MNAT1: variants seen among roughly 807,000 people sequenced by gnomAD.
MNAT1 encodes the protein CDK-activating kinase assembly factor MAT1.
MNAT1 carries 43 observed loss-of-function variants against 42.0 expected under a neutral mutation model. The observed-to-expected ratio is 1.02, with a 90% CI of 0.80 to 1.32. The LOEUF (loss-of-function observed/expected upper bound fraction) is 1.32. Ranked by LOEUF, MNAT1 falls within the 40% of genes most tolerant of loss-of-function variation. The pLI is 0.00. For missense variants in MNAT1, 306 were observed against 350.4 expected (o/e 0.87, Z 1.01); for synonymous variants, 118 against 120.0 (o/e 0.98, Z 0.11).
At chr14:60,738,888 A>T (rs888432974) in intron 1 of MNAT1, among the ~76,000 whole-genome samples, 3 of 152,192 alleles carry the variant, frequency 2.0e-5, no homozygotes, top group Non-Finnish European at 4.4e-5. Flanking sequence ...TTTTTATGGC[A>T]TATATTTCAT....
At chr14:60,867,253 A>T (rs533807064) in intron 6 of MNAT1, among the ~76,000 whole-genome samples, 12 of 152,250 alleles carry the variant, frequency 7.9e-5, no homozygotes, top group African/African-American at 2.4e-4. Context: ...AAGAGCTAGA[A>T]AAATATGGTG....
At chr14:60,863,043 T>C (rs528238723) in intron 6 of MNAT1, among the ~76,000 whole-genome samples, 15 of 152,126 alleles carry the variant, frequency 9.9e-5, no homozygotes, top group African/African-American at 3.6e-4. Flanking sequence ...GAGTTTGTGA[T>C]CGAAAGATTC....
chr14:60,841,440 A>G (rs2139401715), intron 6 of MNAT1, among the ~76,000 whole-genome samples: 1 of 151,926 alleles, frequency 6.6e-6, no homozygotes, highest in East Asian at 1.9e-4. Flanking sequence ...AACACATACA[A>G]CACATAAAGT....
intron 6 of MNAT1, among the ~76,000 whole-genome samples, chr14:60,866,079 A>G (rs1032473564): frequency 6.6e-6 from 1 of 152,128 alleles, no homozygotes; most frequent in Non-Finnish European, 1.5e-5. Flanking sequence ...GAATTCAACT[A>G]AAGTTGAAAA....
intron 7 of MNAT1, among the ~76,000 whole-genome samples, chr14:60,882,148 C>T (rs2034564461): frequency 6.6e-6 from 1 of 152,022 alleles, no homozygotes; most frequent in Non-Finnish European, 1.5e-5. Context: ...GTGACAAAAA[C>T]AAAAACAAAC....
At chr14:60,929,168 A>ATAT (rs57837834) in intron 7 of MNAT1, among the ~76,000 whole-genome samples, 31 of 86,120 alleles carry the variant, frequency 3.6e-4, no homozygotes, top group African/African-American at 1.6e-3. Flanking sequence ...AAAAAAAAAA[A>ATAT]AAATATATAT....
intron 1 of MNAT1, among the ~76,000 whole-genome samples, chr14:60,738,138 C>G (rs1896361862): frequency 6.7e-6 from 1 of 150,306 alleles, no homozygotes; most frequent in Non-Finnish European, 1.5e-5. Context: ...ATGGAGATTC[C>G]TATTGCCACA....
intron 7 of MNAT1, among the ~76,000 whole-genome samples, chr14:60,958,119 G>C (rs1391378408): frequency 6.6e-6 from 1 of 152,152 alleles, no homozygotes; most frequent in Non-Finnish European, 1.5e-5. Context: ...TTACAGGCTT[G>C]AGCCACCGTG....
intron 1 of MNAT1, among the ~76,000 whole-genome samples, chr14:60,742,973 G>T (rs1043243492): frequency 6.6e-6 from 1 of 152,116 alleles, no homozygotes. Context: ...ACAAGTTTTC[G>T]TATGGACAAA....
At chr14:60,827,961 A>G (rs950701329) in intron 6 of MNAT1, among the ~76,000 whole-genome samples, 11 of 152,158 alleles carry the variant, frequency 7.2e-5, no homozygotes, top group Admixed American at 3.9e-4. Flanking sequence ...GGTTAATTCC[A>G]TTCTATTTTA....
intron 1 of MNAT1, among the ~76,000 whole-genome samples, chr14:60,793,670 G>C (rs2031902920): frequency 6.6e-6 from 1 of 151,862 alleles, no homozygotes; most frequent in African/African-American, 2.4e-5. Context: ...ACTAGGCCTG[G>C]CCTGTTCTTT....
At chr14:60,860,054 A>G (rs2034058010) in intron 6 of MNAT1, among the ~76,000 whole-genome samples, 1 of 152,190 alleles carries the variant, frequency 6.6e-6, no homozygotes, top group African/African-American at 2.4e-5. Flanking sequence ...TATGATAATT[A>G]ATGTGTTTTG....
At chr14:60,869,722 T>G (rs2034287533) in intron 6 of MNAT1, among the ~76,000 whole-genome samples, 1 of 152,206 alleles carries the variant, frequency 6.6e-6, no homozygotes, top group Non-Finnish European at 1.5e-5. Flanking sequence ...GGTATAGAAC[T>G]GGATTTTCAT....
intron 1 of MNAT1, among the ~76,000 whole-genome samples, chr14:60,745,965 C>G (rs535496766): frequency 6.6e-6 from 1 of 152,160 alleles, no homozygotes; most frequent in East Asian, 1.9e-4. Context: ...GTGAAGATCT[C>G]AAGATTCTTC....
At chr14:60,930,205 CTTTATT>C (rs1566563587) in intron 7 of MNAT1, among the ~76,000 whole-genome samples, 1 of 76,892 alleles carries the variant, frequency 1.3e-5, no homozygotes, top group African/African-American at 4.5e-5. Flanking sequence ...CTTCTTCCGT[CTTTATT>C]ATTATTATTA....
chr14:60,869,040 A>ATATATATTT (rs1465360826), intron 6 of MNAT1, among the ~76,000 whole-genome samples: 64 of 113,020 alleles, frequency 5.7e-4, no homozygotes, highest in African/African-American at 2.0e-3. Context: ...ATATATATAT[A>ATATATATTT]TTTTTTTTTT....
chr14:60,864,368 G>A (rs2034160516), intron 6 of MNAT1, among the ~76,000 whole-genome samples: 1 of 151,884 alleles, frequency 6.6e-6, no homozygotes, highest in African/African-American at 2.4e-5. Context: ...TCTTCACAGT[G>A]CCTAACATCT....
intron 7 of MNAT1, among the ~76,000 whole-genome samples, chr14:60,933,759 A>G (rs1475798017): frequency 6.6e-6 from 1 of 152,058 alleles, no homozygotes; most frequent in Non-Finnish European, 1.5e-5. Context: ...ATTCCGTACT[A>G]TGGTATTCCT....
At chr14:60,813,717 G>T (rs966381239) in intron 5 of MNAT1, among the ~76,000 whole-genome samples, 2 of 152,206 alleles carry the variant, frequency 1.3e-5, no homozygotes, top group Middle Eastern at 3.4e-3. Flanking sequence ...GGGATACTCA[G>T]TCTCTATCCC....
Sources: allele counts gnomAD v4.1 joint callset (sites outside exome capture counted in the v4.1 genomes callset), GRCh38; gene constraint gnomAD v4.1.1; transcripts MANE v1.5; gene names NCBI Gene and HGNC (gene_info 2026-07-23, HGNC 2026-07-21).